ANKRD36: variants seen among roughly 807,000 people sequenced by gnomAD.
The protein encoded by ANKRD36 is ankyrin repeat domain-containing protein 36A.
In ANKRD36, 179 loss-of-function variants were observed where a neutral mutation model predicts 278.1. That is an observed-to-expected ratio of 0.64 (90% CI 0.57 to 0.73). The LOEUF (loss-of-function observed/expected upper bound fraction) is 0.73, where lower values mean the gene tolerates loss of function less well. ANKRD36 is among the 30% of genes least tolerant of loss of function. ANKRD36 has a pLI of 0.00. For missense variants in ANKRD36, 1,159 were observed against 1,956.7 expected, an observed-to-expected ratio of 0.59 and a Z score of 7.69; for synonymous variants, 320 against 641.1, an observed-to-expected ratio of 0.50 and a Z score of 7.57.
At chr2:97,222,370 G>A (rs1195015386) in intron 66 of ANKRD36, among the ~76,000 whole-genome samples, 1 of 152,090 alleles carries the variant, frequency 6.6e-6, no homozygotes, top group Non-Finnish European at 1.5e-5. Flanking sequence ...GATCATGTGG[G>A]TAGCTGTATT....
intron 69 of ANKRD36, among the ~76,000 whole-genome samples, chr2:97,243,124 C>G (rs1432277142): frequency 1.4e-5 from 2 of 139,498 alleles, no homozygotes; most frequent in South Asian, 2.8e-4. Context: ...ATATGAGTGA[C>G]CGTGGCCCCC....
Position 97,154,521 on chromosome 2 carries a change from C to T in ANKRD36, c.1194-154C>T, listed in dbSNP as rs557852405. Among the ~76,000 whole-genome samples, 203 of 146,592 alleles carry T rather than the reference C, an allele frequency of 1.4e-3. 17 individuals carry two copies. Among genetic ancestry groups the T allele is most frequent in the Non-Finnish European group, 1.9e-3 (120 of 64,836 alleles). On this transcript the variant is annotated intron_variant, in intron 14 of 75. Coordinates refer to ENST00000420699, the MANE Select transcript of ANKRD36 (RefSeq NM_001354587.1). ...AAATGGAAGCCATATCTTAATTATACCAAGAAATATTATTTAATATGCAGA... is the reference window on the plus strand; with the variant it reads ...AAATGGAAGCCATATCTTAATTATATCAAGAAATATTATTTAATATGCAGA...
intron 26 of ANKRD36, among the ~76,000 whole-genome samples, chr2:97,182,338 G>T (rs2056447007): frequency 9.8e-6 from 1 of 102,270 alleles, no homozygotes; most frequent in African/African-American, 2.6e-5. Context: ...GAACATTTTT[G>T]TAAAAGAAGC....
chr2:97,228,265 C>T (rs552514139), intron 67 of ANKRD36, among the ~76,000 whole-genome samples: 10,308 of 151,604 alleles, frequency 0.068, 509 homozygotes, highest in Middle Eastern at 0.17. Flanking sequence ...CCATCTGGTC[C>T]TGGACTCTTT....
rs2066122506 is a variant in ANKRD36 at position 97,217,037 on chromosome 2, C to T, written c.3674-140C>T. ...CAGTGTATTTCTGTCATGTTCCAAT[C>T]CCCAGACACAAAGTAGGAAACATCA... is the stretch of plus-strand genomic sequence containing the variant. On this transcript the variant is annotated intron_variant, in intron 62 of 75. Coordinates refer to ENST00000420699, the MANE Select transcript of ANKRD36 (RefSeq NM_001354587.1). 2.0e-6 allele frequency: 3 copies of T among 1,479,394 alleles called. 1 individual carries two copies. The East Asian group carries it at 7.6e-5, about 37-fold the overall frequency. The allele number at this position is 1,479,394 out of a possible 1,614,324, so 91.6% of individuals were successfully genotyped here. A position where few individuals can be genotyped will look rare whatever the true frequency, so the allele number is the denominator to read the frequency against.
rs745944493 is a variant in ANKRD36, at chr2:97,207,878, T to C, written c.3192+39T>C. 8.5e-5 allele frequency: 132 copies of C among 1,544,090 alleles called. 4 individuals are homozygous for C. Among genetic ancestry groups the C allele is most frequent in the Admixed American group, 4.3e-4 (22 of 50,604 alleles). On this transcript the variant is annotated intron_variant, in intron 53 of 75. Coordinates refer to ENST00000420699, the MANE Select transcript of ANKRD36 (RefSeq NM_001354587.1). ...CATTTATATTGTGAACTAGTAAATG[T>C]ATAGTCTATGAAACATACTTTATTA...
intron 58 of ANKRD36, 63 bp from the exon 59 acceptor site, chr2:97,213,356 G>T: frequency 2.3e-6 from 1 of 432,982 alleles, no homozygotes; most frequent in South Asian, 2.4e-5. Flanking sequence ...AACAGTGCAG[G>T]AATGTATGGA....
rs2056285336 is a variant in ANKRD36 at position 97,181,735 on chromosome 2, G to C, written c.1779G>C (p.Glu593Asp). 4 of 1,609,160 alleles carry C rather than the reference G, an allele frequency of 2.5e-6. No homozygotes were observed. Among genetic ancestry groups the C allele is most frequent in the South Asian group, 2.2e-5 (2 of 90,812 alleles). Residue 593 changes from glutamate (E) to aspartate (D), a missense_variant, in exon 26 of 76, where the codon GAG (glutamate) becomes GAC (aspartate). Transcript: ENST00000420699. ...ATCCCATTCAGGCTACAAGTGACGAGAAAGATTCTGTTTCAAATATAGCCA... is the reference window on the plus strand; with the variant it reads ...ATCCCATTCAGGCTACAAGTGACGACAAAGATTCTGTTTCAAATATAGCCA... ...KQPAEKATSD[E>D]KDSVSNIATE...
chr2:97,199,693 C>T (rs1442791021), intron 44 of ANKRD36, among the ~76,000 whole-genome samples: 6 of 151,856 alleles, frequency 4.0e-5, no homozygotes, highest in Non-Finnish European at 7.4e-5. Flanking sequence ...GATGAAGAAA[C>T]TTTCGGAAGG....
chr2:97,192,665 A>G (rs1558636076), intron 36 of ANKRD36, among the ~76,000 whole-genome samples, 193 bp from the exon 37 acceptor site: 1 of 151,680 alleles, frequency 6.6e-6, no homozygotes, highest in Non-Finnish European at 1.5e-5. Flanking sequence ...GTAGGGGTAT[A>G]TTTCATGGAG....
At position 97,177,469 on chromosome 2, in the gene ANKRD36, C is replaced by T. The variant is rs1337098380; in HGVS notation, c.1634-2269C>T. 9.9e-5 allele frequency among the ~76,000 whole-genome samples: 15 copies of T among 151,964 alleles called. No individual in the cohort carries two copies. The South Asian group carries it at 1.0e-3, about 11-fold the overall frequency. ...TAACCAAAACAGCATGGTACTGGTACCAAAACAGAGCTATAGATCAATGGA... is the reference window on the plus strand; with the variant it reads ...TAACCAAAACAGCATGGTACTGGTATCAAAACAGAGCTATAGATCAATGGA... On this transcript the variant is annotated intron_variant, in intron 22 of 75. Coordinates refer to ENST00000420699, the MANE Select transcript of ANKRD36 (RefSeq NM_001354587.1).
chr2:97,175,259 A>G (rs1175027495), intron 22 of ANKRD36, among the ~76,000 whole-genome samples: 3 of 145,308 alleles, frequency 2.1e-5, no homozygotes, highest in African/African-American at 7.5e-5. Context: ...CTGGTCCTGG[A>G]CTCTTTTTGG....
intron 62 of ANKRD36, 74 bp downstream of exon 62, chr2:97,215,571 G>T (rs746468561): frequency 1.9e-6 from 3 of 1,588,584 alleles, no homozygotes; most frequent in East Asian, 2.3e-5. Flanking sequence ...ATAAATCAGC[G>T]GGGGGTTCAT....
chr2:97,210,914 A>C lies in ANKRD36; in HGVS notation c.3368-632A>C, dbSNP rs376802258. Among the ~76,000 whole-genome samples, 15 of 151,998 alleles carry C rather than the reference A, an allele frequency of 9.9e-5. 1 individual carries two copies. Among genetic ancestry groups the C allele is most frequent in the East Asian group, 5.9e-4 (3 of 5,070 alleles). The stretch of plus-strand genomic sequence containing the variant: ...ATGAGTGGATGAAGAAACTTTTGGA[A>C]GTCTAAACTAGTGGATACAAGAAAC... On this transcript the variant is annotated intron_variant, in intron 56 of 75. Transcript: ENST00000420699.
chr2:97,221,086 G>C (rs1386867682), intron 66 of ANKRD36, among the ~76,000 whole-genome samples: 60 of 132,496 alleles, frequency 4.5e-4, no homozygotes, highest in Middle Eastern at 3.6e-3. Context: ...TTTCATCCAT[G>C]TCCCTACAAA....
intron 42 of ANKRD36, among the ~76,000 whole-genome samples, chr2:97,197,954 T>C (rs1418256220): frequency 1.3e-5 from 2 of 151,908 alleles, no homozygotes; most frequent in Non-Finnish European, 1.5e-5. Flanking sequence ...TTTAGGACCC[T>C]TCCACTGAAG....
intron 67 of ANKRD36, among the ~76,000 whole-genome samples, chr2:97,228,297 A>G (rs1280666557): frequency 6.6e-6 from 1 of 152,098 alleles, no homozygotes; most frequent in Non-Finnish European, 1.5e-5. Flanking sequence ...GCTATTGATT[A>G]TTGCCACAAT....
chr2:97,176,189 C>G (rs2054194987), intron 22 of ANKRD36, among the ~76,000 whole-genome samples: 1 of 151,856 alleles, frequency 6.6e-6, no homozygotes, highest in Non-Finnish European at 1.5e-5. Flanking sequence ...TGTTGACTTT[C>G]TCTCTTGTTG....
chr2:97,215,733 G>A, intron 62 of ANKRD36: 1 of 1,235,748 alleles, frequency 8.1e-7, no homozygotes, highest in Non-Finnish European at 1.1e-6. Context: ...CCATAGGAGA[G>A]CGGTTCAGCA....
Sources: allele counts gnomAD v4.1 joint callset (sites outside exome capture counted in the v4.1 genomes callset), GRCh38; gene constraint gnomAD v4.1.1; transcripts MANE v1.5; gene names NCBI Gene and HGNC (gene_info 2026-07-23, HGNC 2026-07-21).